Variants in EFCAB11 observed in about 807,000 individuals in gnomAD.
EFCAB11 encodes the protein EF-hand calcium-binding domain-containing protein 11.
In EFCAB11, 14 loss-of-function variants were observed where a neutral mutation model predicts 23.0. The ratio of observed to expected loss-of-function variants is 0.61; its 90% CI spans 0.40 to 0.95. The LOEUF (loss-of-function observed/expected upper bound fraction) is 0.95, where lower values mean the gene tolerates loss of function less well. Among genes scored for constraint, EFCAB11 ranks in the 40% least tolerant of loss-of-function variants. The pLI is 0.00. For synonymous variants in EFCAB11, 65 were observed against 66.6 expected, an observed-to-expected ratio of 0.98 and a Z score of 0.11; for missense variants, 198 against 195.8, an observed-to-expected ratio of 1.01 and a Z score of -0.07.
intron 5 of EFCAB11, among the ~76,000 whole-genome samples, chr14:89,832,479 T>G (rs995385877): frequency 1.1e-4 from 17 of 152,206 alleles, no homozygotes; most frequent in African/African-American, 3.9e-4. Flanking sequence ...TGATTTCGCA[T>G]GACGCCTATG....
intron 3 of EFCAB11, chr14:89,937,964 T>A (rs1890649554): frequency 6.6e-6 from 1 of 152,188 alleles, no homozygotes; most frequent in Admixed American, 6.5e-5. Flanking sequence ...AGGAGGGTAA[T>A]CATCTTTCAC....
In EFCAB11 at chr14:89,883,647, CAGTT is replaced by C. The variant is rs373026075; in HGVS notation, c.410+47890_410+47893del. On this transcript the variant is annotated intron_variant, in intron 5 of 5. Coordinates refer to ENST00000316738, the MANE Select transcript of EFCAB11 (RefSeq NM_145231.4). ...ACTTAAAAAAAATATTTTCTGTCCTCAGTTGGTTGAATCCACAGACATGGAACTT... is the reference window on the plus strand; with the variant it reads ...ACTTAAAAAAAATATTTTCTGTCCTCGGTTGAATCCACAGACATGGAACTT... Among the ~76,000 whole-genome samples the C allele has an allele frequency of 3.4e-3, 517 of 152,284 alleles. 1 individual carries two copies. The highest frequency in any genetic ancestry group is 0.011 in the African/African-American group (441 of 41,558).
intron 3 of EFCAB11, among the ~76,000 whole-genome samples, chr14:89,942,658 C>T (rs747619801): frequency 9.9e-5 from 15 of 151,962 alleles, no homozygotes; most frequent in Non-Finnish European, 2.1e-4. Flanking sequence ...TTTTTTTCTC[C>T]CACTCATATA....
intron 5 of EFCAB11, among the ~76,000 whole-genome samples, chr14:89,844,171 C>T (rs1258091776): frequency 6.6e-6 from 1 of 152,028 alleles, no homozygotes; most frequent in Non-Finnish European, 1.5e-5. Flanking sequence ...TGTGCTTCTG[C>T]GTATAACAGA....
At chr14:89,872,384 G>T (rs1480504637) in intron 5 of EFCAB11, among the ~76,000 whole-genome samples, 1 of 152,188 alleles carries the variant, frequency 6.6e-6, no homozygotes, top group African/African-American at 2.4e-5. Context: ...CTTCCGCATG[G>T]GTGGGGCACA....
chr14:89,803,117 A>G (rs946232503), intron 5 of EFCAB11, among the ~76,000 whole-genome samples: 2 of 152,198 alleles, frequency 1.3e-5, no homozygotes, highest in African/African-American at 4.8e-5. Context: ...AGAAATTGCC[A>G]AGTGTCCCTT....
At position 89,798,214 on chromosome 14, in the gene EFCAB11, C is replaced by T. The variant is rs560086996; in HGVS notation, c.411-890G>A. 3.7e-4 allele frequency among the ~76,000 whole-genome samples: 56 copies of T among 152,336 alleles called. No individual in the cohort carries two copies. The Middle Eastern group carries it at 0.01, about 28-fold the overall frequency. ...TTCTGAATATTTCATGCCAAAGTCT[C>T]TGAAGTCTATAATGGTTCTGGATAG... On this transcript the variant is annotated intron_variant, in intron 5 of 5. Coordinates refer to ENST00000316738, the MANE Select transcript of EFCAB11 (RefSeq NM_145231.4).
intron 5 of EFCAB11, among the ~76,000 whole-genome samples, chr14:89,816,591 T>G (rs1463409568): frequency 6.6e-6 from 1 of 152,190 alleles, no homozygotes; most frequent in African/African-American, 2.4e-5. Context: ...TTCTGAAAAC[T>G]AAACAAAGCA....
intron 5 of EFCAB11, among the ~76,000 whole-genome samples, chr14:89,835,586 G>A (rs1260071866): frequency 3.4e-4 from 3 of 8,864 alleles, no homozygotes; most frequent in Admixed American, 1.3e-3. Flanking sequence ...GATGCTCAAC[G>A]TGTGTGTGTG....
chr14:89,900,336 A>G (rs1375877282), intron 5 of EFCAB11, among the ~76,000 whole-genome samples: 2 of 152,174 alleles, frequency 1.3e-5, no homozygotes, highest in Non-Finnish European at 2.9e-5. Flanking sequence ...GACAGTGATG[A>G]TCTCTAGGGC....
chr14:89,929,338 C>T (rs1890310391), intron 5 of EFCAB11, among the ~76,000 whole-genome samples: 1 of 152,116 alleles, frequency 6.6e-6, no homozygotes, highest in Non-Finnish European at 1.5e-5. Flanking sequence ...GCATGAACCA[C>T]CACACCAGGC....
At chr14:89,811,405 C>T (rs1004386704) in intron 5 of EFCAB11, among the ~76,000 whole-genome samples, 1 of 152,228 alleles carries the variant, frequency 6.6e-6, no homozygotes, top group Admixed American at 6.5e-5. Flanking sequence ...AATAACACCC[C>T]GCCCCAAAGG....
chr14:89,928,606 G>A (rs1596459774), intron 5 of EFCAB11, among the ~76,000 whole-genome samples: 1 of 150,850 alleles, frequency 6.6e-6, no homozygotes, highest in East Asian at 1.9e-4. Context: ...TGTTGTTAAT[G>A]CCAACTAAAA....
chr14:89,882,319 A>G (rs540783848), intron 5 of EFCAB11, among the ~76,000 whole-genome samples: 3 of 152,318 alleles, frequency 2.0e-5, no homozygotes, highest in East Asian at 1.9e-4. Context: ...TATGTGCGGC[A>G]TATGTTGAGA....
intron 3 of EFCAB11, among the ~76,000 whole-genome samples, chr14:89,932,989 T>C (rs1319849825): frequency 6.6e-6 from 1 of 152,212 alleles, no homozygotes; most frequent in African/African-American, 2.4e-5. Context: ...ATAATTTTTG[T>C]TTCCTTATGC....
rs1449716012 is a variant in EFCAB11, at chr14:89,907,286, T to C, written c.410+24255A>G. On this transcript the variant is annotated intron_variant, in intron 5 of 5. Coordinates refer to ENST00000316738, the MANE Select transcript of EFCAB11 (RefSeq NM_145231.4). ...ATGAGCAGGTGGATTCTGAGAAATG[T>C]AGACTTCAATTATTTAAGTCATAAA... 6.6e-5 allele frequency among the ~76,000 whole-genome samples: 10 copies of C among 152,238 alleles called. No individual in the cohort carries two copies. The East Asian group carries it at 1.9e-3, about 29-fold the overall frequency.
intron 5 of EFCAB11, among the ~76,000 whole-genome samples, chr14:89,877,443 T>C (rs1441507863): frequency 6.6e-6 from 1 of 152,158 alleles, no homozygotes; most frequent in Non-Finnish European, 1.5e-5. Context: ...TGGATAGGAT[T>C]ACTACTGGGT....
At chr14:89,954,084 A>C (rs1161078524) in intron 1 of EFCAB11, 83 bp from the exon 2 acceptor site, 3 of 1,230,756 alleles carry the variant, frequency 2.4e-6, no homozygotes, top group Non-Finnish European at 2.3e-6. Flanking sequence ...TTGGACCTCG[A>C]AAATCTAAAA....
chr14:89,829,405 A>T (rs999153669), intron 5 of EFCAB11, among the ~76,000 whole-genome samples: 1 of 152,222 alleles, frequency 6.6e-6, no homozygotes, highest in Non-Finnish European at 1.5e-5. Flanking sequence ...ATACTATGGA[A>T]GCAGATCATA....
Sources: gnomAD v4.1 joint callset for allele counts (sites outside exome capture counted in the v4.1 genomes callset) on GRCh38, gnomAD v4.1.1 for gene constraint, MANE v1.5 for transcripts, NCBI Gene and HGNC (gene_info 2026-07-23, HGNC 2026-07-21) for gene names.